Variants in ATG7 observed in about 807,000 individuals in gnomAD.
ATG7 encodes the protein autophagy related 7, also known as ubiquitin-like modifier-activating enzyme ATG7.
Under a neutral mutation model 82.4 loss-of-function variants are expected in ATG7, and 70 were observed. That is an observed-to-expected ratio of 0.85 (90% CI 0.70 to 1.04). The LOEUF is 1.04. ATG7 is among the 50% of genes least tolerant of loss of function. The probability of loss-of-function intolerance (pLI) is 0.00; values close to 1 mark genes in which losing one functional copy is unlikely to be tolerated. For missense variants in ATG7, 792 were observed against 864.3 expected (o/e 0.92, Z 1.05); for synonymous variants, 287 against 313.0 (o/e 0.92, Z 0.88).
intron 20 of ATG7, among the ~76,000 whole-genome samples, chr3:11,525,857 T>C (rs1373236249): frequency 6.6e-6 from 1 of 152,078 alleles, no homozygotes; most frequent in Non-Finnish European, 1.5e-5. Context: ...CCTCGCCAGT[T>C]ATAGCCATTT....
chr3:11,541,912 C>T (rs1041545411), intron 20 of ATG7, among the ~76,000 whole-genome samples: 3 of 152,360 alleles, frequency 2.0e-5, no homozygotes, highest in East Asian at 1.9e-4. Context: ...AAATGTGGGC[C>T]AAACATATAA....
intron 19 of ATG7, among the ~76,000 whole-genome samples, chr3:11,390,888 C>T (rs1250259396): frequency 6.6e-6 from 1 of 152,190 alleles, no homozygotes; most frequent in Non-Finnish European, 1.5e-5. Context: ...ACTAGTGCAG[C>T]AGCAGTGAGC....
At chr3:11,282,867 C>T (rs1013424937) in intron 3 of ATG7, among the ~76,000 whole-genome samples, 1 of 152,210 alleles carries the variant, frequency 6.6e-6, no homozygotes, top group Admixed American at 6.5e-5. Flanking sequence ...TCCTGGTGAT[C>T]TCTACCTCCT....
intron 20 of ATG7, among the ~76,000 whole-genome samples, chr3:11,429,087 A>G (rs2082619741): frequency 6.6e-6 from 1 of 152,204 alleles, no homozygotes; most frequent in Non-Finnish European, 1.5e-5. Context: ...CGTCACATCA[A>G]ATTTTAGATT....
At chr3:11,501,125 G>T (rs139815139) in intron 20 of ATG7, among the ~76,000 whole-genome samples, 255 of 152,292 alleles carry the variant, frequency 1.7e-3, no homozygotes, top group African/African-American at 5.7e-3. Context: ...ATGGTGATAC[G>T]CACCTGTAGT....
chr3:11,439,894 A>G (rs1398323851), intron 20 of ATG7, among the ~76,000 whole-genome samples: 2 of 152,230 alleles, frequency 1.3e-5, no homozygotes, highest in East Asian at 1.9e-4. Flanking sequence ...TTTGATGCCC[A>G]TAACAATCTT....
chr3:11,536,091 C>G (rs1039318285), intron 20 of ATG7, among the ~76,000 whole-genome samples: 1 of 152,126 alleles, frequency 6.6e-6, no homozygotes, highest in Non-Finnish European at 1.5e-5. Flanking sequence ...AGGAGACCAC[C>G]CTCCCAGCCC....
At chr3:11,525,137 A>C (rs1433985423) in intron 20 of ATG7, among the ~76,000 whole-genome samples, 1 of 148,168 alleles carries the variant, frequency 6.7e-6, no homozygotes, top group African/African-American at 2.6e-5. Flanking sequence ...TCTGGGCTCA[A>C]GTGATTGTCC....
chr3:11,567,527 C>T, the ATG7 span, among the ~76,000 whole-genome samples: 7 of 152,204 alleles, frequency 4.6e-5, 1 homozygote, highest in South Asian at 2.1e-4. Flanking sequence ...CCACACACAT[C>T]CTGGCGATTT....
In ATG7 at chr3:11,468,391, G is replaced by A. The variant is rs377559573; in HGVS notation, c.2079+41465G>A. Among the ~76,000 whole-genome samples the A allele has an allele frequency of 1.4e-4, 21 of 152,122 alleles. No homozygotes were observed. The South Asian group carries it at 3.7e-3, about 27-fold the overall frequency. ...TTTTCCAAGGCCTGGATCATGCCTCGCCTATCCTCCTCCCCACTCCATGTC... is the reference window on the plus strand; with the variant it reads ...TTTTCCAAGGCCTGGATCATGCCTCACCTATCCTCCTCCCCACTCCATGTC... On this transcript the variant is annotated intron_variant, in intron 20 of 20. Transcript: ENST00000693202.
intron 20 of ATG7, among the ~76,000 whole-genome samples, chr3:11,427,814 CAAAAA>C (rs11288609): frequency 7.4e-6 from 1 of 135,234 alleles, no homozygotes; most frequent in Non-Finnish European, 1.6e-5. Context: ...GACTCCGTCT[CAAAAA>C]AAAAAAAAAA....
chr3:11,471,911 T>C (rs1366457468), intron 20 of ATG7, among the ~76,000 whole-genome samples: 6 of 152,008 alleles, frequency 3.9e-5, no homozygotes, highest in African/African-American at 1.4e-4. Flanking sequence ...CTAGTTTTTG[T>C]ATTTTTAGTA....
chr3:11,545,967 C>T (rs1311732035), intron 20 of ATG7, among the ~76,000 whole-genome samples: 1 of 151,932 alleles, frequency 6.6e-6, no homozygotes, highest in East Asian at 1.9e-4. Flanking sequence ...AGGGAGACCC[C>T]ATCTCCACAA....
At chr3:11,337,660 T>A (rs1004456187) in intron 11 of ATG7, among the ~76,000 whole-genome samples, 12 of 152,180 alleles carry the variant, frequency 7.9e-5, no homozygotes, top group Admixed American at 3.3e-4. Flanking sequence ...TATTATTATT[T>A]TTTGAGAGAT....
intron 20 of ATG7, among the ~76,000 whole-genome samples, chr3:11,462,308 A>G (rs116654060): frequency 0.019 from 2,854 of 152,090 alleles, 47 homozygotes; most frequent in African/African-American, 0.023. Flanking sequence ...CAGCCACAAG[A>G]AGGAGACACA....
chr3:11,334,578 C>A (rs367979777), intron 11 of ATG7, among the ~76,000 whole-genome samples: 4 of 151,878 alleles, frequency 2.6e-5, no homozygotes, highest in Middle Eastern at 3.4e-3. Flanking sequence ...CTTATATCAT[C>A]CTCATGGTTC....
At chr3:11,419,000 C>T (rs1038122664) in intron 19 of ATG7, among the ~76,000 whole-genome samples, 2 of 152,224 alleles carry the variant, frequency 1.3e-5, no homozygotes, top group Middle Eastern at 3.4e-3. Flanking sequence ...CACCAGGTCC[C>T]TCCCCTGACA....
intron 20 of ATG7, among the ~76,000 whole-genome samples, chr3:11,507,364 T>C (rs2091791864): frequency 6.6e-6 from 1 of 152,204 alleles, no homozygotes; most frequent in Non-Finnish European, 1.5e-5. Context: ...TGAAATACAA[T>C]TATCAAAGTA....
chr3:11,398,468 A>G (rs1284113605), intron 19 of ATG7, among the ~76,000 whole-genome samples: 2 of 152,246 alleles, frequency 1.3e-5, no homozygotes, highest in Non-Finnish European at 2.9e-5. Flanking sequence ...ACATACTTAT[A>G]AAACTCATTA....
Sources: gnomAD v4.1 joint callset for allele counts (sites outside exome capture counted in the v4.1 genomes callset) on GRCh38, gnomAD v4.1.1 for gene constraint, MANE v1.5 for transcripts, NCBI Gene and HGNC (gene_info 2026-07-23, HGNC 2026-07-21) for gene names.